The following FARP1 variants were observed in gnomAD, a reference collection of about 807,000 sequenced individuals.
FARP1 encodes FERM, ARH/RhoGEF and pleckstrin domain protein 1.
FARP1 carries 52 observed loss-of-function variants against 128.8 expected under a neutral mutation model. The observed-to-expected ratio is 0.40, with a 90% CI of 0.32 to 0.51. FARP1 has a LOEUF of 0.51. Among genes scored for constraint, FARP1 ranks in the 20% least tolerant of loss-of-function variants. The pLI is 0.45. For missense variants in FARP1, 1,333 were observed against 1,367.9 expected (o/e 0.97, Z 0.40); for synonymous variants, 580 against 551.8 (o/e 1.05, Z -0.72).
intron 16 of FARP1, among the ~76,000 whole-genome samples, chr13:98,412,299 C>T (rs1891222233): frequency 6.6e-6 from 1 of 152,152 alleles, no homozygotes; most frequent in Non-Finnish European, 1.5e-5. Flanking sequence ...AAAATAAAGA[C>T]AGTCGTTACT....
chr13:98,361,687 A>T (rs1006458083), intron 3 of FARP1, among the ~76,000 whole-genome samples: 6 of 152,100 alleles, frequency 3.9e-5, no homozygotes, highest in Non-Finnish European at 7.4e-5. Flanking sequence ...TCAGAGAGGA[A>T]TTTTCTTGTT....
At chr13:98,363,122 A>G (rs1433287726) in intron 3 of FARP1, among the ~76,000 whole-genome samples, 4 of 152,176 alleles carry the variant, frequency 2.6e-5, no homozygotes, top group African/African-American at 9.7e-5. Context: ...CCCATGGGGT[A>G]GTTCCTTCCC....
At chr13:98,374,851 G>A (rs1217642919) in intron 5 of FARP1, among the ~76,000 whole-genome samples, 2 of 152,256 alleles carry the variant, frequency 1.3e-5, no homozygotes. Flanking sequence ...GAGCTGGCAT[G>A]TGCAGAGATC....
At chr13:98,228,087 G>C (rs530093527) in intron 2 of FARP1, among the ~76,000 whole-genome samples, 1 of 152,334 alleles carries the variant, frequency 6.6e-6, no homozygotes, top group South Asian at 2.1e-4. Flanking sequence ...GGCCGGGCGT[G>C]GTGGCTCATG....
chr13:98,268,040 T>C (rs1884210626), intron 2 of FARP1, among the ~76,000 whole-genome samples: 1 of 152,244 alleles, frequency 6.6e-6, no homozygotes, highest in Non-Finnish European at 1.5e-5. Context: ...GGCACATTGT[T>C]CGACCTCCAG....
At chr13:98,244,412 T>C in intron 2 of FARP1, 1 of 1,325,316 alleles carries the variant, frequency 7.5e-7, no homozygotes, top group Non-Finnish European at 1.0e-6. Flanking sequence ...CTGTGTCTCT[T>C]TATTGTTACT....
At position 98,395,212 on chromosome 13, in the gene FARP1, C is replaced by T; in HGVS notation, c.1165-15C>T. 2 of 1,577,462 alleles carry T rather than the reference C, an allele frequency of 1.3e-6. No individual in the cohort carries two copies. The highest frequency in any genetic ancestry group is 1.7e-6 in the Non-Finnish European group (2 of 1,155,228). On this transcript the variant is annotated splice_polypyrimidine_tract_variant and intron_variant, in intron 12 of 26. Transcript: ENST00000319562. ...CTTCTCTATCTCTCCGCACCTTTTTCCCCACCCCACCCAGTCTCAGCAGAG... is the reference window on the plus strand; with the variant it reads ...CTTCTCTATCTCTCCGCACCTTTTTTCCCACCCCACCCAGTCTCAGCAGAG...
chr13:98,396,762 G>T (rs1182127784), intron 13 of FARP1: 1 of 334,828 alleles, frequency 3.0e-6, no homozygotes, highest in Non-Finnish European at 5.4e-6. Context: ...TATTTTGCTG[G>T]TTGAAGGCTA....
chr13:98,261,125 C>G (rs761787804), intron 2 of FARP1, among the ~76,000 whole-genome samples: 5 of 152,222 alleles, frequency 3.3e-5, no homozygotes, highest in Non-Finnish European at 7.3e-5. Context: ...GTGGTGACAG[C>G]TGTTGATGGG....
At chr13:98,344,223 C>A (rs566669492) in intron 3 of FARP1, among the ~76,000 whole-genome samples, 1 of 152,210 alleles carries the variant, frequency 6.6e-6, no homozygotes, top group African/African-American at 2.4e-5. Flanking sequence ...AGACTGGAGT[C>A]AAGAAAGCCA....
At chr13:98,400,893 C>T (rs1241327992) in intron 13 of FARP1, 2 of 152,176 alleles carry the variant, frequency 1.3e-5, no homozygotes, top group Admixed American at 6.5e-5. Flanking sequence ...TTTCTTTGAA[C>T]CCTAGCCATG....
chr13:98,169,289 C>T (rs1463886574), intron 1 of FARP1, among the ~76,000 whole-genome samples: 2 of 152,008 alleles, frequency 1.3e-5, no homozygotes, highest in African/African-American at 2.4e-5. Flanking sequence ...TTCCTTTACC[C>T]TTCTTCTTTC....
chr13:98,439,395 G>A (rs755943919), intron 21 of FARP1, among the ~76,000 whole-genome samples, 199 bp downstream of exon 21: 1 of 152,206 alleles, frequency 6.6e-6, no homozygotes, highest in Non-Finnish European at 1.5e-5. Flanking sequence ...GCCTTCTAGG[G>A]CTTCTCTAGT....
At chr13:98,370,698 TC>T (rs1464283082) in intron 5 of FARP1, among the ~76,000 whole-genome samples, 2 of 152,044 alleles carry the variant, frequency 1.3e-5, no homozygotes, top group Non-Finnish European at 2.9e-5. Flanking sequence ...CTGTTAGCTG[TC>T]CCATGACCAC....
chr13:98,440,910 A>C, intron 24 of FARP1, 74 bp downstream of exon 24: 1 of 1,432,064 alleles, frequency 7.0e-7, no homozygotes, highest in Non-Finnish European at 9.5e-7. Context: ...CTTCTGGGCC[A>C]GGGGCTTGAG....
chr13:98,331,759 G>C (rs904079092), intron 2 of FARP1: 6 of 152,134 alleles, frequency 3.9e-5, no homozygotes, highest in Non-Finnish European at 8.8e-5. Context: ...AGGCAGGCCA[G>C]GAGACCTGCC....
intron 2 of FARP1, chr13:98,333,478 C>CAA (rs1397457226): frequency 6.7e-6 from 1 of 148,270 alleles, no homozygotes; most frequent in East Asian, 2.0e-4. Flanking sequence ...CACACACACA[C>CAA]AAAATCTATC....
intron 2 of FARP1, among the ~76,000 whole-genome samples, chr13:98,291,990 A>G (rs1189575940): frequency 1.3e-5 from 2 of 152,208 alleles, no homozygotes; most frequent in Non-Finnish European, 2.9e-5. Context: ...ACCTCTTTGG[A>G]GAGCAAACTA....
At chr13:98,220,317 C>T (rs1881341563) in intron 2 of FARP1, among the ~76,000 whole-genome samples, 1 of 152,108 alleles carries the variant, frequency 6.6e-6, no homozygotes, top group African/African-American at 2.4e-5. Flanking sequence ...GGAGGATAGA[C>T]CCAAATAAAA....
Sources: allele counts gnomAD v4.1 joint callset (sites outside exome capture counted in the v4.1 genomes callset), GRCh38; gene constraint gnomAD v4.1.1; transcripts MANE v1.5; gene names NCBI Gene and HGNC (gene_info 2026-07-23, HGNC 2026-07-21).